SNTB1: variants seen among roughly 807,000 people sequenced by gnomAD.
The protein encoded by SNTB1 is syntrophin beta 1, also known as beta-1-syntrophin.
Under a neutral mutation model 48.9 loss-of-function variants are expected in SNTB1, and 36 were observed. The ratio of observed to expected loss-of-function variants is 0.74; its 90% confidence interval spans 0.56 to 0.97. SNTB1 has a LOEUF of 0.97. Ranked by LOEUF, SNTB1 falls within the 50% of genes least tolerant of loss-of-function variation. The pLI is 0.00. For missense variants in SNTB1, 786 were observed against 703.4 expected, an observed-to-expected ratio of 1.12 and a Z score of -1.33; for synonymous variants, 299 against 294.6, an observed-to-expected ratio of 1.01 and a Z score of -0.15.
intron 1 of SNTB1, among the ~76,000 whole-genome samples, chr8:120,749,878 G>A (rs1819182835): frequency 6.6e-6 from 1 of 151,976 alleles, no homozygotes. Flanking sequence ...TCTTTTTCAG[G>A]TGCAAAAACT....
At chr8:120,624,420 C>T (rs1424882166) in intron 3 of SNTB1, among the ~76,000 whole-genome samples, 1 of 152,122 alleles carries the variant, frequency 6.6e-6, no homozygotes, top group Non-Finnish European at 1.5e-5. Context: ...TCCTTTTTAT[C>T]AGGAGCCCAG....
chr8:120,653,367 T>C (rs544019929), intron 2 of SNTB1, among the ~76,000 whole-genome samples: 3 of 152,258 alleles, frequency 2.0e-5, no homozygotes, highest in Admixed American at 2.0e-4. Flanking sequence ...TTTGGAGTGA[T>C]GCAGCTGCAA....
intron 4 of SNTB1, 114 bp downstream of exon 4, chr8:120,574,972 G>A (rs1242181505): frequency 1.5e-6 from 2 of 1,300,760 alleles, no homozygotes; most frequent in African/African-American, 1.5e-5. Context: ...TTCTTAAGGA[G>A]CTCTCAGCCC....
At chr8:120,568,374 T>C (rs1235133321) in intron 4 of SNTB1, among the ~76,000 whole-genome samples, 2 of 152,156 alleles carry the variant, frequency 1.3e-5, no homozygotes, top group African/African-American at 4.8e-5. Flanking sequence ...TTTTTTCCCA[T>C]TGTTTGCTTT....
In SNTB1 at chr8:120,681,505, G is replaced by A. The variant is rs560707299; in HGVS notation, c.788+12187C>T. ...TGGGCTCAGAACCTCCAGAGACAGG[G>A]TAGGGGGTGATATGGCCCTGAAAAG... On this transcript the variant is annotated intron_variant, in intron 2 of 6. Coordinates refer to ENST00000517992, the MANE Select transcript of SNTB1 (RefSeq NM_021021.4). 7.9e-5 allele frequency among the ~76,000 whole-genome samples: 12 copies of A among 152,282 alleles called. No homozygotes were observed. The South Asian group carries it at 2.5e-3, about 32-fold the overall frequency.
intron 1 of SNTB1, among the ~76,000 whole-genome samples, chr8:120,780,868 C>T (rs373394870): frequency 2.0e-5 from 3 of 152,150 alleles, no homozygotes; most frequent in South Asian, 2.1e-4. Context: ...AAGTAACATA[C>T]AATATTTTAA....
chr8:120,613,680 G>GT (rs1816663221), intron 3 of SNTB1, among the ~76,000 whole-genome samples: 1 of 152,166 alleles, frequency 6.6e-6, no homozygotes, highest in African/African-American at 2.4e-5. Flanking sequence ...GGCATTCTTT[G>GT]TTTCTGTCTT....
At chr8:120,637,486 CATT>C (rs1817101784) in intron 2 of SNTB1, 1 of 189,822 alleles carries the variant, frequency 5.3e-6, no homozygotes, top group Non-Finnish European at 1.1e-5. Context: ...CAACCTCAAA[CATT>C]ATCAGTTAGT....
intron 3 of SNTB1, among the ~76,000 whole-genome samples, chr8:120,585,478 T>C (rs1477452318): frequency 6.6e-6 from 1 of 152,256 alleles, no homozygotes; most frequent in East Asian, 1.9e-4. Context: ...CAAAACTCTT[T>C]ATTCCCTAAG....
At chr8:120,805,972 C>T (rs974039372) in intron 1 of SNTB1, among the ~76,000 whole-genome samples, 5 of 152,180 alleles carry the variant, frequency 3.3e-5, no homozygotes, top group Non-Finnish European at 5.9e-5. Context: ...AATAGGGATA[C>T]GAATAGCATT....
At chr8:120,620,061 G>A (rs1816769800) in intron 3 of SNTB1, among the ~76,000 whole-genome samples, 1 of 152,062 alleles carries the variant, frequency 6.6e-6, no homozygotes, top group Non-Finnish European at 1.5e-5. Flanking sequence ...CATTTTTATT[G>A]CACTTAATAG....
At chr8:120,582,762 G>T (rs532451115) in intron 3 of SNTB1, among the ~76,000 whole-genome samples, 2 of 151,704 alleles carry the variant, frequency 1.3e-5, no homozygotes, top group African/African-American at 4.8e-5. Context: ...CCTGTCGGGG[G>T]ATGGGGGACA....
rs371716468 is a variant in SNTB1 at position 120,541,845 on chromosome 8, G to C, written c.1489C>G (p.Leu497Val). 114 of 1,613,272 alleles carry C rather than the reference G, an allele frequency of 7.1e-5. No individual in the cohort carries two copies. The highest frequency in any genetic ancestry group is 9.5e-5 in the Non-Finnish European group (112 of 1,179,704). ...TCTTTGCCTCCAAAATCTAAATACA[G>C]CATCCTGATTCCATCATCTGAAGAC... is the stretch of plus-strand genomic sequence containing the variant. ...KMSSDDGIRM[L>V]YLDFGGKDGE... The change falls in exon 6 of 7, where the codon CTG becomes GTG. Residue 497 changes from leucine (L) to valine (V), a missense_variant. Transcript: ENST00000517992.
chr8:120,748,281 G>A (rs1381295837), intron 1 of SNTB1, among the ~76,000 whole-genome samples: 2 of 151,836 alleles, frequency 1.3e-5, no homozygotes, highest in East Asian at 1.9e-4. Context: ...TTTGGAGTGG[G>A]TTTTTTTTCC....
At chr8:120,710,213 C>G (rs1036292249) in intron 1 of SNTB1, among the ~76,000 whole-genome samples, 3 of 152,112 alleles carry the variant, frequency 2.0e-5, no homozygotes, top group Non-Finnish European at 4.4e-5. Flanking sequence ...ATCTATGTTC[C>G]CTGATCTAAT....
chr8:120,794,005 A>T (rs1820081275), intron 1 of SNTB1, among the ~76,000 whole-genome samples: 1 of 152,028 alleles, frequency 6.6e-6, no homozygotes, highest in Non-Finnish European at 1.5e-5. Context: ...AGAAGGAAAA[A>T]AATCCTGCAA....
chr8:120,734,035 G>A (rs978296118), intron 1 of SNTB1, among the ~76,000 whole-genome samples: 2 of 152,282 alleles, frequency 1.3e-5, no homozygotes, highest in Non-Finnish European at 1.5e-5. Flanking sequence ...AGAACTTAAC[G>A]CAGTGCTTAG....
At chr8:120,590,894 C>G (rs2130707323) in intron 3 of SNTB1, among the ~76,000 whole-genome samples, 1 of 152,100 alleles carries the variant, frequency 6.6e-6, no homozygotes, top group East Asian at 1.9e-4. Context: ...ACCATGTTGG[C>G]CAGGCTGGTC....
At chr8:120,620,098 A>C (rs1337469796) in intron 3 of SNTB1, among the ~76,000 whole-genome samples, 2 of 152,182 alleles carry the variant, frequency 1.3e-5, no homozygotes, top group Non-Finnish European at 2.9e-5. Flanking sequence ...GTGCACACAC[A>C]CACATATAGT....
Sources: allele counts gnomAD v4.1 joint callset (sites outside exome capture counted in the v4.1 genomes callset), GRCh38; gene constraint gnomAD v4.1.1; transcripts MANE v1.5; gene names NCBI Gene and HGNC (gene_info 2026-07-23, HGNC 2026-07-21).